Variants in APBB1IP observed in about 807,000 individuals in gnomAD.
The protein encoded by APBB1IP is amyloid beta precursor protein binding family B member 1 interacting protein.
A neutral mutation model predicts 64.9 loss-of-function variants in APBB1IP; 27 were observed. The ratio of observed to expected loss-of-function variants is 0.42; its 90% CI spans 0.31 to 0.57. The LOEUF is 0.57. Ranked by LOEUF, APBB1IP falls within the 20% of genes least tolerant of loss-of-function variation. The probability of loss-of-function intolerance (pLI) is 0.20; values close to 1 mark genes in which losing one functional copy is unlikely to be tolerated. For synonymous variants in APBB1IP, 392 were observed against 331.0 expected, an observed-to-expected ratio of 1.18 and a Z score of -2.00; for missense variants, 812 against 845.5, an observed-to-expected ratio of 0.96 and a Z score of 0.49.
chr10:26,560,202 AG>A lies in APBB1IP; in HGVS notation c.1254+1del. On this transcript the variant is annotated frameshift_variant and splice_region_variant, in exon 12 of 15. Coordinates refer to ENST00000376236, the MANE Select transcript of APBB1IP (RefSeq NM_019043.4). LOFTEE classifies it high-confidence loss of function. The part of the protein sequence containing the change: ...NQWVMGIRIA[K>X]YGKTLYDNYQ... The stretch of plus-strand genomic sequence containing the variant: ...TGGGTCATGGGAATACGGATAGCCA[AG>A]GTGAGAGAGCGTTCGGACTTCACCC... The A allele has an allele frequency of 6.2e-7, 1 of 1,613,746 alleles. No individual in the cohort carries two copies. The highest frequency in any genetic ancestry group is 8.5e-7 in the Non-Finnish European group (1 of 1,179,654).
chr10:26,455,757 T>G (rs1159193663), intron 2 of APBB1IP, among the ~76,000 whole-genome samples: 1 of 152,144 alleles, frequency 6.6e-6, no homozygotes, highest in Non-Finnish European at 1.5e-5. Context: ...CTTCAAAAGT[T>G]AAATACTTAC....
chr10:26,553,707 G>A (rs1588617605), intron 11 of APBB1IP, among the ~76,000 whole-genome samples: 1 of 152,086 alleles, frequency 6.6e-6, no homozygotes, highest in Admixed American at 6.6e-5. Context: ...AGACTTGGGG[G>A]TACATCGGTA....
At chr10:26,558,940 G>A (rs1372764540) in intron 11 of APBB1IP, among the ~76,000 whole-genome samples, 4 of 152,188 alleles carry the variant, frequency 2.6e-5, no homozygotes, top group African/African-American at 9.7e-5. Flanking sequence ...TGCACTAAGT[G>A]TAATAGACAG....
intron 4 of APBB1IP, among the ~76,000 whole-genome samples, chr10:26,496,871 A>T (rs1318318363): frequency 6.6e-6 from 1 of 151,680 alleles, no homozygotes; most frequent in Non-Finnish European, 1.5e-5. Flanking sequence ...ATTTTTCCTG[A>T]ACTTGTCACT....
chr10:26,480,044 C>T (rs1364046128), intron 2 of APBB1IP, among the ~76,000 whole-genome samples: 2 of 152,156 alleles, frequency 1.3e-5, no homozygotes, highest in African/African-American at 2.4e-5. Flanking sequence ...TTCCCACCAC[C>T]CTCCCAAATC....
intron 8 of APBB1IP, among the ~76,000 whole-genome samples, chr10:26,526,824 T>C (rs529595579): frequency 1.8e-4 from 28 of 152,310 alleles, no homozygotes; most frequent in African/African-American, 6.3e-4. Context: ...TCTCACTCTT[T>C]AACAATAATC....
At chr10:26,448,423 C>T (rs1434498033) in intron 2 of APBB1IP, among the ~76,000 whole-genome samples, 1 of 152,210 alleles carries the variant, frequency 6.6e-6, no homozygotes, top group Non-Finnish European at 1.5e-5. Flanking sequence ...CTGCACATCT[C>T]ATTTCAGACT....
Position 26,541,620 on chromosome 10 carries a change from T to C in APBB1IP, c.1083T>C (p.Asn361=). The C allele has an allele frequency of 6.2e-7, 1 of 1,612,100 alleles. No individual in the cohort carries two copies. The highest frequency in any genetic ancestry group is 1.1e-5 in the South Asian group (1 of 90,268). The part of the protein sequence containing the change: ...RDLACFIQFE[N]VNIYYGTQHK... ...TGGCGTGTTTTATACAGTTTGAAAATGTCAACATTTACTATGGGACTCAGC... is the reference window on the plus strand; with the variant it reads ...TGGCGTGTTTTATACAGTTTGAAAACGTCAACATTTACTATGGGACTCAGC... Residue 361 remains asparagine, a synonymous_variant, in exon 11 of 15, where the codon AAT becomes AAC. Transcript: ENST00000376236.
chr10:26,445,046 C>A (rs1835376497), intron 2 of APBB1IP, among the ~76,000 whole-genome samples: 1 of 146,296 alleles, frequency 6.8e-6, no homozygotes, highest in Non-Finnish European at 1.5e-5. Flanking sequence ...TTCAGTGAGC[C>A]AAGATCATGC....
At chr10:26,554,975 G>C (rs1314513441) in intron 11 of APBB1IP, among the ~76,000 whole-genome samples, 1 of 152,096 alleles carries the variant, frequency 6.6e-6, no homozygotes, top group Non-Finnish European at 1.5e-5. Context: ...TTCCAAATAA[G>C]GTTACATTCA....
At chr10:26,485,143 A>G (rs997400363) in intron 2 of APBB1IP, among the ~76,000 whole-genome samples, 9 of 152,244 alleles carry the variant, frequency 5.9e-5, no homozygotes, top group Non-Finnish European at 1.2e-4. Context: ...TGTGAGTATC[A>G]GTATTTACTC....
In APBB1IP at chr10:26,454,464, C is replaced by T. The variant is rs533728099; in HGVS notation, c.-1+15611C>T. 6.6e-5 allele frequency among the ~76,000 whole-genome samples: 10 copies of T among 151,282 alleles called. No homozygotes were observed. In the South Asian group the frequency reaches 8.4e-4, roughly 13 times the overall value. ...TCGTGCCACTGCACTCCAGCCTGGACGACAGAGTGAGACTCTGTCTCGAAA... is the reference window on the plus strand; with the variant it reads ...TCGTGCCACTGCACTCCAGCCTGGATGACAGAGTGAGACTCTGTCTCGAAA... On this transcript the variant is annotated intron_variant, in intron 2 of 14. Coordinates refer to ENST00000376236, the MANE Select transcript of APBB1IP (RefSeq NM_019043.4).
At chr10:26,513,056 A>G (rs536206345) in intron 7 of APBB1IP, among the ~76,000 whole-genome samples, 17 of 152,344 alleles carry the variant, frequency 1.1e-4, no homozygotes, top group Admixed American at 4.6e-4. Flanking sequence ...TCATTGACTG[A>G]TTGTCCACCT....
chr10:26,506,815 C>G (rs1836185620), intron 6 of APBB1IP, among the ~76,000 whole-genome samples: 1 of 152,012 alleles, frequency 6.6e-6, no homozygotes, highest in African/African-American at 2.4e-5. Flanking sequence ...GAGTTAGAGT[C>G]TAGTTAGACT....
chr10:26,526,301 C>T (rs898750040), intron 8 of APBB1IP, among the ~76,000 whole-genome samples: 2 of 152,150 alleles, frequency 1.3e-5, no homozygotes, highest in Non-Finnish European at 2.9e-5. Context: ...AGTCAGTTCA[C>T]GTAAGGCGCA....
At chr10:26,478,149 G>A (rs973066715) in intron 2 of APBB1IP, among the ~76,000 whole-genome samples, 1 of 152,188 alleles carries the variant, frequency 6.6e-6, no homozygotes, top group Admixed American at 6.5e-5. Context: ...AAATAGGTCA[G>A]GGCTCAGTAA....
At chr10:26,454,586 G>T (rs376749842) in intron 2 of APBB1IP, among the ~76,000 whole-genome samples, 4 of 152,258 alleles carry the variant, frequency 2.6e-5, no homozygotes, top group African/African-American at 4.8e-5. Context: ...TAGCTGGGGT[G>T]GGGGAGATGT....
At chr10:26,487,882 T>C (rs1287883184) in intron 2 of APBB1IP, among the ~76,000 whole-genome samples, 1 of 152,246 alleles carries the variant, frequency 6.6e-6, no homozygotes, top group Non-Finnish European at 1.5e-5. Flanking sequence ...ATTTGATTCC[T>C]ATAAGCTTAT....
intron 2 of APBB1IP, among the ~76,000 whole-genome samples, chr10:26,475,113 C>A (rs1835760296): frequency 6.7e-6 from 1 of 149,872 alleles, no homozygotes; most frequent in Non-Finnish European, 1.5e-5. Flanking sequence ...CTTGTTTTTT[C>A]TTTTTCTTTT....
Sources: allele counts gnomAD v4.1 joint callset (sites outside exome capture counted in the v4.1 genomes callset), GRCh38; gene constraint gnomAD v4.1.1; transcripts MANE v1.5; gene names NCBI Gene and HGNC (gene_info 2026-07-23, HGNC 2026-07-21).